The following SLC9C2 variants were observed in gnomAD, a reference collection of about 807,000 sequenced individuals.
SLC9C2 encodes solute carrier family 9 member C2 (putative), also known as sodium/hydrogen exchanger 11.
SLC9C2 carries 75 observed loss-of-function variants against 140.2 expected under a neutral mutation model. The observed-to-expected ratio is 0.53, with a 90% CI of 0.44 to 0.65. The LOEUF is 0.65. Ranked by LOEUF, SLC9C2 falls within the 30% of genes least tolerant of loss-of-function variation. The pLI is 0.00. For synonymous variants in SLC9C2, 375 were observed against 420.9 expected (o/e 0.89, Z 1.34); for missense variants, 1,074 against 1,331.8 (o/e 0.81, Z 3.01).
chr1:173,518,114 T>G (rs1660554824), intron 22 of SLC9C2, among the ~76,000 whole-genome samples: 2 of 151,848 alleles, frequency 1.3e-5, no homozygotes, highest in Non-Finnish European at 2.9e-5. Context: ...AATACAAAAA[T>G]TAGTCGAGCA....
chr1:173,535,914 C>A lies in SLC9C2; in HGVS notation c.1691G>T (p.Arg564Ile). 6.6e-7 allele frequency: 1 copy of A among 1,506,476 alleles called. No homozygotes were observed. The highest frequency in any genetic ancestry group is 8.9e-7 in the Non-Finnish European group (1 of 1,121,626). The allele number at this position is 1,506,476 out of a possible 1,614,324, so 93.3% of individuals were successfully genotyped here. The part of the protein sequence containing the change: ...MSIYDVSTYM[R>I]TRSWLIKFKN... ...AAACTTTATAAGCCAACTTCTAGTT[C>A]TCATATAAGTTGAAACATCATAAAT... Residue 564 changes from arginine (R) to isoleucine (I), a missense_variant, in exon 15 of 28, where the codon AGA becomes ATA. Transcript: ENST00000367714.
intron 9 of SLC9C2, among the ~76,000 whole-genome samples, chr1:173,568,692 T>C (rs1241307544): frequency 6.6e-6 from 1 of 152,198 alleles, no homozygotes; most frequent in Admixed American, 6.5e-5. Flanking sequence ...TTTAGCTCTT[T>C]GAGGAATTGC....
intron 5 of SLC9C2, 63 bp from the exon 6 acceptor site, chr1:173,583,685 A>G: frequency 1.2e-6 from 1 of 834,684 alleles, no homozygotes. Flanking sequence ...CTTGCACAGG[A>G]AGCAGAAACA....
At chr1:173,515,332 A>G (rs1660340246) in intron 23 of SLC9C2, among the ~76,000 whole-genome samples, 1 of 151,886 alleles carries the variant, frequency 6.6e-6, no homozygotes, top group Non-Finnish European at 1.5e-5. Context: ...ATAGTCCCAT[A>G]TTTCTCAGAG....
intron 9 of SLC9C2, among the ~76,000 whole-genome samples, chr1:173,563,691 T>C (rs1364865004): frequency 6.6e-6 from 1 of 152,228 alleles, no homozygotes; most frequent in Non-Finnish European, 1.5e-5. Context: ...CAAGCATTTA[T>C]CCTTTGTGTT....
chr1:173,508,987 CA>C (rs763086724), intron 24 of SLC9C2, among the ~76,000 whole-genome samples: 8 of 142,606 alleles, frequency 5.6e-5, no homozygotes, highest in South Asian at 4.2e-4. Flanking sequence ...ATGCTTGGTT[CA>C]GGGGGGGATC....
intron 17 of SLC9C2, among the ~76,000 whole-genome samples, chr1:173,530,455 C>T (rs1661503270): frequency 1.3e-5 from 2 of 152,326 alleles, no homozygotes; most frequent in South Asian, 4.1e-4. Flanking sequence ...AACAAATCGT[C>T]TCTCTGTGCC....
At chr1:173,525,628 C>T (rs1368458064) in intron 19 of SLC9C2, among the ~76,000 whole-genome samples, 2 of 152,196 alleles carry the variant, frequency 1.3e-5, no homozygotes, top group African/African-American at 4.8e-5. Context: ...ATTTGCCTCA[C>T]AGAGTAATTA....
In SLC9C2 at chr1:173,505,274, G is replaced by C. The variant is rs751921192; in HGVS notation, c.3283C>G (p.Gln1095Glu). ...ATGACATTGGTGTTACTATTTCTTTGGGTAAGCTCAGATGCTTGGATTATC... is the reference window on the plus strand; with the variant it reads ...ATGACATTGGTGTTACTATTTCTTTCGGTAAGCTCAGATGCTTGGATTATC... ...LLIIQASELT[Q>E]RNSNTNVMAS... is the part of the protein sequence containing the mutation. Residue 1095 changes from glutamine (Q) to glutamate (E), a missense_variant, in exon 26 of 28, where the codon CAA (glutamine) becomes GAA (glutamate). Physicochemically the swap from Gln to Glu is conservative, Grantham distance 29 (BLOSUM62 2). Transcript: ENST00000367714. The C allele has an allele frequency of 1.9e-6, 3 of 1,614,046 alleles. No homozygotes were observed. Among genetic ancestry groups the C allele is most frequent in the Non-Finnish European group, 2.5e-6 (3 of 1,179,970 alleles).
At chr1:173,516,128 G>T (rs368374289) in intron 23 of SLC9C2, among the ~76,000 whole-genome samples, 2 of 152,178 alleles carry the variant, frequency 1.3e-5, no homozygotes, top group African/African-American at 4.8e-5. Context: ...CTATTGGAGG[G>T]TATCACCCAG....
At chr1:173,530,748 A>G (rs1174375692) in intron 17 of SLC9C2, among the ~76,000 whole-genome samples, 1 of 152,188 alleles carries the variant, frequency 6.6e-6, no homozygotes, top group Non-Finnish European at 1.5e-5. Flanking sequence ...CAAAATCCAC[A>G]TCGTCACTCA....
chr1:173,526,547 C>G, intron 19 of SLC9C2, 116 bp downstream of exon 19: 1 of 935,856 alleles, frequency 1.1e-6, no homozygotes. Context: ...TTAATAAATG[C>G]TTGTTGAATG....
At chr1:173,503,171 A>T in intron 27 of SLC9C2, 95 bp downstream of exon 27, 1 of 924,082 alleles carries the variant, frequency 1.1e-6, no homozygotes, top group Non-Finnish European at 1.7e-6. Flanking sequence ...TTTTCTCACC[A>T]CCTACAATTT....
chr1:173,555,806 T>C (rs1663647613), intron 10 of SLC9C2, among the ~76,000 whole-genome samples: 1 of 152,158 alleles, frequency 6.6e-6, no homozygotes, highest in Non-Finnish European at 1.5e-5. Flanking sequence ...GGAATAGGAA[T>C]ATGATACTCC....
At chr1:173,550,444 A>ATTTTTT (rs1382249001) in intron 11 of SLC9C2, among the ~76,000 whole-genome samples, 7 of 129,254 alleles carry the variant, frequency 5.4e-5, no homozygotes, top group African/African-American at 1.7e-4. Context: ...TTATTTATTT[A>ATTTTTT]TTTATTTATT....
intron 5 of SLC9C2, 113 bp from the exon 6 acceptor site, chr1:173,583,735 G>C: frequency 3.3e-6 from 2 of 607,784 alleles, no homozygotes; most frequent in South Asian, 5.6e-5. Context: ...GAAAGAACAA[G>C]GCAACTATGA....
At chr1:173,548,750 C>T (rs1199961671) in intron 11 of SLC9C2, among the ~76,000 whole-genome samples, 198 bp from the exon 12 acceptor site, 1 of 151,874 alleles carries the variant, frequency 6.6e-6, no homozygotes, top group Non-Finnish European at 1.5e-5. Flanking sequence ...TACAGCTCAA[C>T]TTTATCTGAC....
At chr1:173,559,897 C>T (rs1043215533) in intron 9 of SLC9C2, among the ~76,000 whole-genome samples, 9 of 152,106 alleles carry the variant, frequency 5.9e-5, no homozygotes, top group African/African-American at 2.2e-4. Context: ...TAATCTCAAC[C>T]CCCTCTATAA....
rs1419803364 is a variant in SLC9C2 at position 173,517,583 on chromosome 1, A to G, written c.2861T>C (p.Leu954Pro). The change falls in exon 23 of 28, where the codon CTT becomes CCT. Residue 954 changes from leucine to proline, a missense_variant. Physicochemically the swap from Leu to Pro is moderately conservative, Grantham distance 98. Coordinates refer to ENST00000367714, the MANE Select transcript of SLC9C2 (RefSeq NM_178527.4). ...GDIIGELSCL[L>P]KREIEYTVIC... ...GACGGTATATTCAATTTCACGCTTAAGCAGACAGCTTAGCTCTCCAATTAT... is the reference window on the plus strand; with the variant it reads ...GACGGTATATTCAATTTCACGCTTAGGCAGACAGCTTAGCTCTCCAATTAT... 1 of 1,613,484 alleles carries G rather than the reference A, an allele frequency of 6.2e-7. No homozygotes were observed.
Sources: gnomAD v4.1 joint callset for allele counts (sites outside exome capture counted in the v4.1 genomes callset) on GRCh38, gnomAD v4.1.1 for gene constraint, MANE v1.5 for transcripts, NCBI Gene and HGNC (gene_info 2026-07-23, HGNC 2026-07-21) for gene names.